ADAM23: variants seen among roughly 807,000 people sequenced by gnomAD.
ADAM23 encodes the protein disintegrin and metalloproteinase domain-containing protein 23.
A neutral mutation model predicts 120.1 loss-of-function variants in ADAM23; 33 were observed. That is an observed-to-expected ratio of 0.27 (90% CI 0.21 to 0.37). ADAM23 has a LOEUF of 0.37. Among genes scored for constraint, ADAM23 ranks in the 10% least tolerant of loss-of-function variants. The pLI is 1.00. For synonymous variants in ADAM23, 367 were observed against 375.2 expected (o/e 0.98, Z 0.25); for missense variants, 862 against 1,058.2 (o/e 0.81, Z 2.57).
chr2:206,514,213 C>G (rs1417995822), intron 3 of ADAM23, among the ~76,000 whole-genome samples: 1 of 152,168 alleles, frequency 6.6e-6, no homozygotes, highest in African/African-American at 2.4e-5. Context: ...CGTGATTACT[C>G]TATTGGGTCT....
Position 206,588,079 on chromosome 2 carries a change from T to G in ADAM23, c.1789-12T>G. 1 of 1,614,046 alleles carries G rather than the reference T, an allele frequency of 6.2e-7. No homozygotes were observed. The highest frequency in any genetic ancestry group is 8.5e-7 in the Non-Finnish European group (1 of 1,179,922). Reference sequence around the variant, plus strand: ...GACTCTGTGTGCCTCACATGTGTGCTCCTGTCCCCAGGGCCGCTGCTACAA... The same window carrying G: ...GACTCTGTGTGCCTCACATGTGTGCGCCTGTCCCCAGGGCCGCTGCTACAA... On this transcript the variant is annotated splice_polypyrimidine_tract_variant and intron_variant, in intron 19 of 25. Transcript: ENST00000264377.
rs959877304 is a variant in ADAM23 at position 206,584,432 on chromosome 2, G to T, written c.1738-2893G>T. On this transcript the variant is annotated intron_variant, in intron 18 of 25. Coordinates refer to ENST00000264377, the MANE Select transcript of ADAM23 (RefSeq NM_003812.4). Reference sequence around the variant, plus strand: ...GGCCCTAGAACTCCCAAGATTATATGCCCTTTGTCTTCCACTATAATCAGC... The same window carrying T: ...GGCCCTAGAACTCCCAAGATTATATTCCCTTTGTCTTCCACTATAATCAGC... 3.9e-5 allele frequency among the ~76,000 whole-genome samples: 6 copies of T among 152,188 alleles called. No homozygotes were observed. The East Asian group carries it at 1.2e-3, about 29-fold the overall frequency.
intron 3 of ADAM23, among the ~76,000 whole-genome samples, chr2:206,489,060 T>C (rs1367282833): frequency 6.6e-6 from 1 of 152,172 alleles, no homozygotes; most frequent in Non-Finnish European, 1.5e-5. Context: ...TTAAATATGG[T>C]TGTAAGAAGG....
chr2:206,594,246 A>G (rs1698478266), intron 22 of ADAM23, among the ~76,000 whole-genome samples: 1 of 152,142 alleles, frequency 6.6e-6, no homozygotes, highest in South Asian at 2.1e-4. Context: ...GTAAATATCA[A>G]TAGAAAATAA....
At chr2:206,499,037 C>T (rs899806800) in intron 3 of ADAM23, among the ~76,000 whole-genome samples, 26 of 152,186 alleles carry the variant, frequency 1.7e-4, no homozygotes, top group African/African-American at 6.3e-4. Flanking sequence ...AACACTTTTA[C>T]ACTGTTGGTG....
chr2:206,576,943 C>T (rs917427667), intron 18 of ADAM23, among the ~76,000 whole-genome samples: 2 of 152,056 alleles, frequency 1.3e-5, no homozygotes, highest in Non-Finnish European at 2.9e-5. Flanking sequence ...TTAAAATAAA[C>T]ACTTCTAAAT....
rs370624572 is a variant in ADAM23 at position 206,600,251 on chromosome 2, A to G, written c.2359+4089A>G. Among the ~76,000 whole-genome samples the G allele has an allele frequency of 3.9e-5, 6 of 152,198 alleles. No individual in the cohort carries two copies. The South Asian group carries it at 6.2e-4, about 16-fold the overall frequency. On this transcript the variant is annotated intron_variant, in intron 24 of 25. Coordinates refer to ENST00000264377, the MANE Select transcript of ADAM23 (RefSeq NM_003812.4). ...GTTGTATCTTTTTTCTCATGATCCA[A>G]CTGGTTTGGTTGGCACCTGCCTGAT...
chr2:206,549,928 A>G (rs1051119743), intron 8 of ADAM23, among the ~76,000 whole-genome samples, 167 bp from the exon 9 acceptor site: 13 of 152,138 alleles, frequency 8.5e-5, no homozygotes, highest in African/African-American at 3.1e-4. Flanking sequence ...CCCATATTTT[A>G]TGATCACTTT....
chr2:206,550,015 C>A (rs544891017), intron 8 of ADAM23, 80 bp from the exon 9 acceptor site: 23 of 812,680 alleles, frequency 2.8e-5, no homozygotes, highest in Non-Finnish European at 4.1e-5. Context: ...AATTCAAAGT[C>A]TTATCTACAA....
rs551443325 is a variant in ADAM23, at chr2:206,596,114, C to T, written c.2311C>T (p.Arg771Trp). The T allele has an allele frequency of 9.9e-6, 16 of 1,613,990 alleles. No individual in the cohort carries two copies. The highest frequency in any genetic ancestry group is 7.7e-5 in the South Asian group (7 of 91,056). Residue 771 changes from arginine (R) to tryptophan (W), a missense_variant, in exon 24 of 26, where the codon CGG (arginine) becomes TGG (tryptophan). This residue lies in a region of ADAM23 where 617 missense variants were observed against 813.5 expected (regional missense o/e 0.76). Coordinates refer to ENST00000264377, the MANE Select transcript of ADAM23 (RefSeq NM_003812.4). ...CTGGGCAGGGACAGATTGCAGTATC[C>T]GGGATCCAGTTAGGAACCTTCACCC... ...FTWAGTDCSI[R>W]DPVRNLHPPK... is the part of the protein sequence containing the mutation.
chr2:206,530,691 T>TTTTTTC (rs1697040183), intron 3 of ADAM23, among the ~76,000 whole-genome samples, 194 bp from the exon 4 acceptor site: 2 of 144,086 alleles, frequency 1.4e-5, no homozygotes, highest in African/African-American at 5.1e-5. Context: ...TTTTTTTTTT[T>TTTTTTC]CTGCAGATTG....
At chr2:206,489,728 A>G (rs758411347) in intron 3 of ADAM23, among the ~76,000 whole-genome samples, 3 of 152,320 alleles carry the variant, frequency 2.0e-5, no homozygotes, top group East Asian at 1.9e-4. Flanking sequence ...GGACTCCAGC[A>G]TGGGCTGTCT....
intron 3 of ADAM23, among the ~76,000 whole-genome samples, chr2:206,522,498 A>C (rs1270399611): frequency 6.6e-6 from 1 of 152,180 alleles, no homozygotes; most frequent in Non-Finnish European, 1.5e-5. Context: ...AAATGAAAAG[A>C]GTTCTTTTCC....
chr2:206,585,699 C>T lies in ADAM23; in HGVS notation c.1738-1626C>T, dbSNP rs568311271. Among the ~76,000 whole-genome samples, 4 of 152,106 alleles carry T rather than the reference C, an allele frequency of 2.6e-5. No individual in the cohort carries two copies. In the South Asian group the frequency reaches 8.3e-4, roughly 32 times the overall value. On this transcript the variant is annotated intron_variant, in intron 18 of 25. Transcript: ENST00000264377. The stretch of plus-strand genomic sequence containing the variant: ...CCTGGTGTTGTTGTAGGTACTAGGG[C>T]AGCAGTAAGGAACAAAACATAGAAT...
intron 3 of ADAM23, among the ~76,000 whole-genome samples, chr2:206,525,631 G>A (rs993308448): frequency 2.2e-4 from 33 of 152,132 alleles, no homozygotes; most frequent in African/African-American, 4.8e-4. Flanking sequence ...TTGCTCTGTC[G>A]CTCAGGCTGG....
At chr2:206,532,542 A>T (rs955590611) in intron 4 of ADAM23, among the ~76,000 whole-genome samples, 2 of 152,144 alleles carry the variant, frequency 1.3e-5, no homozygotes, top group Non-Finnish European at 2.9e-5. Flanking sequence ...CATTTTCTTC[A>T]AACAGCTCAT....
chr2:206,536,510 A>C, intron 4 of ADAM23, among the ~76,000 whole-genome samples: 1 of 152,144 alleles, frequency 6.6e-6, no homozygotes, highest in East Asian at 1.9e-4. Context: ...CTCTAAGTCT[A>C]AAGATGGAAT....
intron 12 of ADAM23, among the ~76,000 whole-genome samples, chr2:206,561,516 T>C (rs1697765167): frequency 6.6e-6 from 1 of 152,160 alleles, no homozygotes. Context: ...CTCTGACTTT[T>C]TTTTTGTTAT....
At chr2:206,501,670 A>G (rs1696390286) in intron 3 of ADAM23, among the ~76,000 whole-genome samples, 1 of 152,090 alleles carries the variant, frequency 6.6e-6, no homozygotes. Flanking sequence ...GTGCTATTAA[A>G]CAGCAGGAGA....
Sources: allele counts gnomAD v4.1 joint callset (sites outside exome capture counted in the v4.1 genomes callset), GRCh38; gene constraint gnomAD v4.1.1; regional missense constraint gnomAD v4.1.1; transcripts MANE v1.5; gene names NCBI Gene and HGNC (gene_info 2026-07-23, HGNC 2026-07-21).